Variants in CPNE4 observed in about 807,000 individuals in gnomAD.
CPNE4 encodes copine-4.
CPNE4 carries 25 observed loss-of-function variants against 67.9 expected under a neutral mutation model. The observed-to-expected ratio is 0.37, with a 90% CI of 0.27 to 0.51. The LOEUF is 0.51. CPNE4 is among the 20% of genes least tolerant of loss of function. The pLI is 0.93. For missense variants in CPNE4, 464 were observed against 690.8 expected (o/e 0.67, Z 3.68); for synonymous variants, 242 against 244.9 (o/e 0.99, Z 0.11).
intron 1 of CPNE4, among the ~76,000 whole-genome samples, chr3:131,909,026 T>A (rs554296152): frequency 1.3e-4 from 20 of 152,306 alleles, no homozygotes; most frequent in African/African-American, 4.1e-4. Context: ...ACTGAAAAAC[T>A]CTTAGATGTC....
chr3:132,012,383 G>T (rs1253464675), intron 1 of CPNE4, among the ~76,000 whole-genome samples: 1 of 152,024 alleles, frequency 6.6e-6, no homozygotes, highest in Admixed American at 6.5e-5. Flanking sequence ...TGGCCAGGTT[G>T]GTCTCAAACT....
intron 2 of CPNE4, among the ~76,000 whole-genome samples, chr3:131,833,685 C>T (rs1412668832): frequency 2.0e-5 from 3 of 152,102 alleles, no homozygotes; most frequent in East Asian, 1.9e-4. Context: ...GGTGATGGAG[C>T]GAAACCTTGT....
rs565166734 is a variant in CPNE4 at position 131,600,522 on chromosome 3, G to A, written c.682-12940C>T. ...GTCTTTCCACCAGTCTTTGTTTTAAGATCTATTATAAATATTGGGCATACC... is the reference window on the plus strand; with the variant it reads ...GTCTTTCCACCAGTCTTTGTTTTAAAATCTATTATAAATATTGGGCATACC... On this transcript the variant is annotated intron_variant, in intron 7 of 15. Transcript: ENST00000429747. Among the ~76,000 whole-genome samples, 18 of 152,284 alleles carry A rather than the reference G, an allele frequency of 1.2e-4. No homozygotes were observed. In the East Asian group the frequency reaches 2.9e-3, roughly 25 times the overall value.
intron 6 of CPNE4, among the ~76,000 whole-genome samples, chr3:131,680,253 C>CTTT (rs34739453): frequency 2.1e-5 from 3 of 144,114 alleles, no homozygotes; most frequent in Non-Finnish European, 3.0e-5. Flanking sequence ...GCAACCCCTG[C>CTTT]TTTTTTTTTT....
chr3:132,011,832 T>C (rs1271294760), intron 1 of CPNE4, among the ~76,000 whole-genome samples: 1 of 152,252 alleles, frequency 6.6e-6, no homozygotes, highest in Non-Finnish European at 1.5e-5. Flanking sequence ...AGTTAACACA[T>C]CATCCCCTTT....
intron 2 of CPNE4, among the ~76,000 whole-genome samples, chr3:131,902,575 T>G (rs1173796532): frequency 2.6e-5 from 4 of 152,100 alleles, no homozygotes. Flanking sequence ...GCTTTGAAAT[T>G]ACAATGATCA....
At chr3:132,006,408 C>T (rs2073607707) in intron 1 of CPNE4, among the ~76,000 whole-genome samples, 1 of 152,102 alleles carries the variant, frequency 6.6e-6, no homozygotes, top group South Asian at 2.1e-4. Flanking sequence ...CCCCCGCTTG[C>T]CTTAAGAAAA....
At chr3:131,946,205 C>G (rs1235934875) in intron 1 of CPNE4, among the ~76,000 whole-genome samples, 2 of 152,110 alleles carry the variant, frequency 1.3e-5, no homozygotes, top group Non-Finnish European at 2.9e-5. Context: ...CCCTGACAAC[C>G]ACCAATCCAC....
intron 1 of CPNE4, among the ~76,000 whole-genome samples, chr3:131,930,394 C>T (rs57256632): frequency 0.01 from 1,534 of 152,052 alleles, 15 homozygotes; most frequent in East Asian, 0.046. Context: ...GGCAGGGGAA[C>T]GTACACCCTG....
chr3:131,904,742 C>T (rs1035804807), intron 2 of CPNE4, among the ~76,000 whole-genome samples: 5 of 152,070 alleles, frequency 3.3e-5, no homozygotes, highest in East Asian at 1.9e-4. Context: ...TCTTTCAATT[C>T]GGGACCTATG....
intron 1 of CPNE4, among the ~76,000 whole-genome samples, chr3:131,945,781 T>C (rs1583491878): frequency 6.6e-6 from 1 of 152,104 alleles, no homozygotes; most frequent in East Asian, 1.9e-4. Flanking sequence ...GACACACACA[T>C]AGAGAATATG....
chr3:131,978,416 G>A (rs374201655), intron 1 of CPNE4, among the ~76,000 whole-genome samples: 2 of 198 alleles, frequency 0.01, no homozygotes, highest in African/African-American at 0.071. Flanking sequence ...TTATATATAT[G>A]TATATATATA....
upstream of CPNE4, among the ~76,000 whole-genome samples, chr3:132,036,449 G>C (rs368286518): frequency 4.6e-5 from 7 of 152,232 alleles, no homozygotes; most frequent in East Asian, 9.6e-4. Context: ...AATTCTCCAA[G>C]GGATATTCAG....
intron 1 of CPNE4, among the ~76,000 whole-genome samples, chr3:131,979,187 G>A (rs975921549): frequency 6.6e-6 from 1 of 152,108 alleles, no homozygotes; most frequent in Admixed American, 6.6e-5. Context: ...GAAATGTTCT[G>A]TATATGTCTA....
chr3:131,979,449 C>G (rs1044973650), intron 1 of CPNE4, among the ~76,000 whole-genome samples: 1 of 152,016 alleles, frequency 6.6e-6, no homozygotes, highest in Non-Finnish European at 1.5e-5. Flanking sequence ...CCCTCTTCAT[C>G]TCTTTTAAGT....
chr3:131,610,401 G>T (rs898874328), intron 7 of CPNE4, among the ~76,000 whole-genome samples: 2 of 152,162 alleles, frequency 1.3e-5, no homozygotes, highest in African/African-American at 4.8e-5. Flanking sequence ...GCACACCAGA[G>T]TTCCTGATGT....
In CPNE4 at chr3:131,990,618, AT is replaced by A. The variant is rs1227337704; in HGVS notation, c.-2+43948del. 2.9e-5 allele frequency among the ~76,000 whole-genome samples: 4 copies of A among 136,408 alleles called. 1 individual carries two copies. In the East Asian group the frequency reaches 9.3e-4, roughly 32 times the overall value. 89.5% of individuals were successfully genotyped at this position (136,408 alleles called of 152,430 possible). A position where few individuals can be genotyped will look rare whatever the true frequency, so the allele number is the denominator to read the frequency against. On this transcript the variant is annotated intron_variant, in intron 1 of 15. Transcript: ENST00000429747. Reference sequence around the variant, plus strand: ...ATATGAAAAGACTTGGATTATTTTCATTTTCTTGATCTTTTACAATAAAATA... The same window carrying A: ...ATATGAAAAGACTTGGATTATTTTCATTTCTTGATCTTTTACAATAAAATA...
intron 2 of CPNE4, among the ~76,000 whole-genome samples, chr3:131,817,895 C>A (rs1239997483): frequency 6.6e-6 from 1 of 152,186 alleles, no homozygotes; most frequent in African/African-American, 2.4e-5. Context: ...AGAAACACCA[C>A]CTACTCACAT....
At chr3:131,982,657 A>T (rs894091566) in intron 1 of CPNE4, among the ~76,000 whole-genome samples, 6 of 152,074 alleles carry the variant, frequency 3.9e-5, no homozygotes, top group East Asian at 1.9e-4. Flanking sequence ...ACTTGCATGA[A>T]TTTTTTTGTT....
Sources: allele counts gnomAD v4.1 joint callset (sites outside exome capture counted in the v4.1 genomes callset), GRCh38; gene constraint gnomAD v4.1.1; transcripts MANE v1.5; gene names NCBI Gene and HGNC (gene_info 2026-07-23, HGNC 2026-07-21).